RNF24: variants seen among roughly 807,000 people sequenced by gnomAD.
RNF24 encodes ring finger protein 24.
A neutral mutation model predicts 20.0 loss-of-function variants in RNF24; 14 were observed. The observed-to-expected ratio is 0.70, with a 90% CI of 0.46 to 1.10. The LOEUF is 1.10. Among genes scored for constraint, RNF24 ranks in the 50% least tolerant of loss-of-function variants. The probability of loss-of-function intolerance (pLI) is 0.00; values close to 1 mark genes in which losing one functional copy is unlikely to be tolerated. For synonymous variants in RNF24, 45 were observed against 61.1 expected (o/e 0.74, Z 1.23); for missense variants, 124 against 177.6 (o/e 0.70, Z 1.71).
Position 3,932,616 on chromosome 20 carries a change from A to G in RNF24, c.*1447T>C, listed in dbSNP as rs1182975478. 7.4e-6 allele frequency: 2 copies of G among 270,750 alleles called. No homozygotes were observed. The highest frequency in any genetic ancestry group is 3.4e-4 in the South Asian group (2 of 5,890). The allele number at this position is 270,750 out of a possible 1,614,324, so 16.8% of individuals were successfully genotyped here. A position where few individuals can be genotyped will look rare whatever the true frequency, so the allele number is the denominator to read the frequency against. On this transcript the variant is annotated 3_prime_UTR_variant, in exon 6 of 6. Transcript: ENST00000358395. ...AGAGCAGAGTAGCAAAGCTCCCTCC[A>G]TCCATTCTCCATGTCACGCAGACTG... is the stretch of plus-strand genomic sequence containing the variant.
At chr20:3,995,836 T>C (rs760632868) in intron 1 of RNF24, among the ~76,000 whole-genome samples, 96 of 152,128 alleles carry the variant, frequency 6.3e-4, no homozygotes, top group Admixed American at 2.0e-3. Flanking sequence ...CTTTTTTTTT[T>C]CAAAAATGCT....
At chr20:3,958,095 C>G (rs938954162) in intron 2 of RNF24, among the ~76,000 whole-genome samples, 1 of 152,168 alleles carries the variant, frequency 6.6e-6, no homozygotes, top group African/African-American at 2.4e-5. Context: ...TGTATGCAAG[C>G]TTTCTCACTC....
chr20:4,009,391 C>G (rs913811944), intron 1 of RNF24, among the ~76,000 whole-genome samples: 1 of 151,998 alleles, frequency 6.6e-6, no homozygotes, highest in African/African-American at 2.4e-5. Flanking sequence ...GCTGATGATG[C>G]AAGAGAGAGG....
intron 1 of RNF24, among the ~76,000 whole-genome samples, chr20:3,990,937 AAC>A (rs1313006202): frequency 1.3e-5 from 2 of 152,092 alleles, no homozygotes; most frequent in African/African-American, 2.4e-5. Context: ...CTAAGTAAAA[AAC>A]AAAACAAAAC....
intron 1 of RNF24, among the ~76,000 whole-genome samples, chr20:4,006,063 A>C (rs1257374941): frequency 6.6e-6 from 1 of 152,194 alleles, no homozygotes; most frequent in Non-Finnish European, 1.5e-5. Context: ...GACTACATAC[A>C]TAATTAACCT....
At chr20:3,974,330 AC>A (rs1456448875) in intron 1 of RNF24, 81 of 1,550,240 alleles carry the variant, frequency 5.2e-5, no homozygotes, top group Non-Finnish European at 6.5e-5. Flanking sequence ...CTGAATACTT[AC>A]CCCCCTAAGA....
rs190307532 is a variant in RNF24 at position 3,998,964 on chromosome 20, C to T, written c.-8+16473G>A. 8.6e-5 allele frequency among the ~76,000 whole-genome samples: 13 copies of T among 151,910 alleles called. No individual in the cohort carries two copies. In the East Asian group the frequency reaches 2.5e-3, roughly 29 times the overall value. On this transcript the variant is annotated intron_variant, in intron 1 of 5. Coordinates refer to ENST00000358395, the MANE Select transcript of RNF24 (RefSeq NM_001134337.3). ...GCGTGGTGGTGTGCACCTGTAACCC[C>T]AGCTACTCAGGAGGCTGAGGCAGAA...
At chr20:3,943,421 C>T (rs1360654594) in intron 4 of RNF24, among the ~76,000 whole-genome samples, 1 of 151,930 alleles carries the variant, frequency 6.6e-6, no homozygotes, top group Non-Finnish European at 1.5e-5. Context: ...ATCACACTGC[C>T]TGATTTTAAG....
rs1244849032 is a variant in RNF24 at position 4,015,484 on chromosome 20, T to TGCGGCGGGCGGCAGGCTGCGG, written c.-76_-56dup. 5.3e-5 allele frequency: 8 copies of TGCGGCGGGCGGCAGGCTGCGG among 150,752 alleles called. No individual in the cohort carries two copies. Among genetic ancestry groups the TGCGGCGGGCGGCAGGCTGCGG allele is most frequent in the Non-Finnish European group, 1.2e-4 (8 of 67,572 alleles). 9.3% of individuals were successfully genotyped at this position (150,752 alleles called of 1,614,324 possible). Reference sequence around the variant, plus strand: ...CAGACGTGCGGGACCGTCAGCGCCCTGCGGCGGGCGGCAGGCTGCGGGCGG... The same window carrying TGCGGCGGGCGGCAGGCTGCGG: ...CAGACGTGCGGGACCGTCAGCGCCCTGCGGCGGGCGGCAGGCTGCGGGCGGCGGGCGGCAGGCTGCGGGCGG... On this transcript the variant is annotated 5_prime_UTR_variant, in exon 1 of 6. Coordinates refer to ENST00000358395, the MANE Select transcript of RNF24 (RefSeq NM_001134337.3).
At chr20:3,984,610 T>A (rs1979718708) in intron 1 of RNF24, among the ~76,000 whole-genome samples, 1 of 151,426 alleles carries the variant, frequency 6.6e-6, no homozygotes, top group African/African-American at 2.5e-5. Context: ...GACATCAGGG[T>A]TCCACCAGGG....
At chr20:4,002,262 T>G (rs1377979145) in intron 1 of RNF24, among the ~76,000 whole-genome samples, 1 of 152,054 alleles carries the variant, frequency 6.6e-6, no homozygotes, top group East Asian at 1.9e-4. Context: ...GGTGGGCGCC[T>G]GTAGTCCCAG....
In RNF24 at chr20:3,928,983, G is replaced by A. The variant is rs1053870332; in HGVS notation, c.*5080C>T. On this transcript the variant is annotated 3_prime_UTR_variant, in exon 6 of 6. Transcript: ENST00000358395. Reference sequence around the variant, plus strand: ...CCTGTCCCAGCCTCCTGAGTGGCTGGGATTACAGGCATGCGTCACCACACC... The same window carrying A: ...CCTGTCCCAGCCTCCTGAGTGGCTGAGATTACAGGCATGCGTCACCACACC... The A allele has an allele frequency of 6.6e-6, 1 of 151,556 alleles. No individual in the cohort carries two copies. The highest frequency in any genetic ancestry group is 2.4e-5 in the African/African-American group (1 of 41,196). The allele number at this position is 151,556 out of a possible 1,614,324, so 9.4% of individuals were successfully genotyped here.
intron 2 of RNF24, among the ~76,000 whole-genome samples, chr20:3,954,552 A>G (rs754749979): frequency 6.6e-6 from 1 of 152,020 alleles, no homozygotes; most frequent in Non-Finnish European, 1.5e-5. Context: ...GTGGACATAT[A>G]TTTTCATTTG....
Position 3,928,788 on chromosome 20 carries a change from G to GTAA in RNF24, c.*5272_*5274dup, listed in dbSNP as rs1042278214. 1.3e-5 allele frequency: 2 copies of GTAA among 148,184 alleles called. No individual in the cohort carries two copies. The highest frequency in any genetic ancestry group is 3.0e-5 in the Non-Finnish European group (2 of 67,294). 9.2% of individuals were successfully genotyped at this position (148,184 alleles called of 1,614,324 possible). A position where few individuals can be genotyped will look rare whatever the true frequency, so the allele number is the denominator to read the frequency against. On this transcript the variant is annotated 3_prime_UTR_variant, in exon 6 of 6. Coordinates refer to ENST00000358395, the MANE Select transcript of RNF24 (RefSeq NM_001134337.3). ...AAAAAAAAAAAAAAAAATTGTTGGGGTAATTTCTGTTGTCAAATGGAAAAC... is the reference window on the plus strand; with the variant it reads ...AAAAAAAAAAAAAAAAATTGTTGGGGTAATAATTTCTGTTGTCAAATGGAAAAC...
At chr20:3,963,577 G>C (rs910363221) in intron 2 of RNF24, among the ~76,000 whole-genome samples, 2 of 152,226 alleles carry the variant, frequency 1.3e-5, no homozygotes, top group Non-Finnish European at 2.9e-5. Context: ...TGTGAGAGTA[G>C]ATTAAATCTT....
chr20:3,993,664 ACTGGTAG>A lies in RNF24; in HGVS notation c.-8+21766_-8+21772del, dbSNP rs1980637059. Among the ~76,000 whole-genome samples, 5 of 152,246 alleles carry A rather than the reference ACTGGTAG, an allele frequency of 3.3e-5. No individual in the cohort carries two copies. In the South Asian group the frequency reaches 1.0e-3, roughly 32 times the overall value. On this transcript the variant is annotated intron_variant, in intron 1 of 5. Transcript: ENST00000358395. ...ATGGACCTTGATAAGCCTGGACTGCACTGGTAGGGTTAGAATGGATACACAAGTAAAA... is the reference window on the plus strand; with the variant it reads ...ATGGACCTTGATAAGCCTGGACTGCAGGTTAGAATGGATACACAAGTAAAA...
intron 1 of RNF24, among the ~76,000 whole-genome samples, chr20:4,003,633 C>T (rs6052229): frequency 1.2e-3 from 104 of 84,418 alleles, no homozygotes; most frequent in African/African-American, 3.8e-3. Context: ...TTAGAAACTC[C>T]TTTTTTTTTT....
intron 4 of RNF24, among the ~76,000 whole-genome samples, chr20:3,943,911 G>C (rs2090986395): frequency 6.6e-6 from 1 of 152,018 alleles, no homozygotes; most frequent in Non-Finnish European, 1.5e-5. Flanking sequence ...TCTAGGAAAA[G>C]TAAAAAATCA....
In RNF24 at chr20:3,934,260, TCTG is replaced by T; in HGVS notation, c.309-62_309-60del. On this transcript the variant is annotated intron_variant, in intron 5 of 5. Coordinates refer to ENST00000358395, the MANE Select transcript of RNF24 (RefSeq NM_001134337.3). The surrounding 1 kb of genome is among the most constrained non-coding windows in gnomAD (Gnocchi z 4.0). ...AGTCCTATGCTCATGGCACGGCTGT[TCTG>T]CTGAACATCTCCATATCTGTCACCC... 4 of 1,533,622 alleles carry T rather than the reference TCTG, an allele frequency of 2.6e-6. No individual in the cohort carries two copies. Among genetic ancestry groups the T allele is most frequent in the Non-Finnish European group, 3.5e-6 (4 of 1,132,042 alleles).
Sources: gnomAD v4.1 joint callset for allele counts (sites outside exome capture counted in the v4.1 genomes callset) on GRCh38, gnomAD v4.1.1 for gene constraint, Gnocchi (gnomAD v3.1) non-coding constraint, MANE v1.5 for transcripts, NCBI Gene and HGNC (gene_info 2026-07-23, HGNC 2026-07-21) for gene names.